The following ZNF101 variants were observed in gnomAD, a reference collection of about 807,000 sequenced individuals.
ZNF101 encodes zinc finger protein 101, also known as zinc finger protein 101 (Y2).
In ZNF101, 34 loss-of-function variants were observed where a neutral mutation model predicts 42.6. The observed-to-expected ratio is 0.80, with a 90% CI of 0.61 to 1.06. The LOEUF (loss-of-function observed/expected upper bound fraction) is 1.06, where lower values mean the gene tolerates loss of function less well. ZNF101 is among the 50% of genes least tolerant of loss of function. The pLI is 0.00. For synonymous variants in ZNF101, 158 were observed against 183.9 expected (o/e 0.86, Z 1.14); for missense variants, 466 against 530.9 (o/e 0.88, Z 1.20).
intron 1 of ZNF101, among the ~76,000 whole-genome samples, chr19:19,670,688 G>A (rs985530370): frequency 1.3e-5 from 2 of 152,070 alleles, no homozygotes; most frequent in Non-Finnish European, 1.5e-5. Flanking sequence ...ACCCGGGGAG[G>A]TTGAGACTGC....
chr19:19,677,772 G>A, intron 1 of ZNF101, 92 bp from the exon 2 acceptor site: 1 of 1,522,366 alleles, frequency 6.6e-7, no homozygotes, highest in Non-Finnish European at 8.9e-7. Flanking sequence ...AGTGTTTGGA[G>A]AGCCCGGCGT....
chr19:19,673,016 C>T (rs2062180270), intron 1 of ZNF101, among the ~76,000 whole-genome samples: 1 of 151,936 alleles, frequency 6.6e-6, no homozygotes, highest in Non-Finnish European at 1.5e-5. Context: ...ACGGTCTTGA[C>T]TCACTGCAAC....
intron 1 of ZNF101, among the ~76,000 whole-genome samples, chr19:19,675,204 C>G (rs1277172788): frequency 6.6e-6 from 1 of 152,010 alleles, no homozygotes; most frequent in Non-Finnish European, 1.5e-5. Context: ...ATGGCATGAT[C>G]TCGGCTCACT....
chr19:19,678,842 G>A, intron 3 of ZNF101, 56 bp downstream of exon 3: 2 of 1,487,836 alleles, frequency 1.3e-6, no homozygotes, highest in South Asian at 1.2e-5. Flanking sequence ...TAGTAGGTCA[G>A]GAAAATTTTT....
chr19:19,677,022 T>C (rs372043788), intron 1 of ZNF101: 7 of 152,328 alleles, frequency 4.6e-5, no homozygotes, highest in African/African-American at 1.7e-4. Context: ...ATGTTATCTT[T>C]CCACTTACTC....
At chr19:19,678,647 T>G (rs1599453587) in intron 2 of ZNF101, 79 bp from the exon 3 acceptor site, 7 of 1,221,550 alleles carry the variant, frequency 5.7e-6, no homozygotes, top group East Asian at 2.6e-5. Flanking sequence ...ATTGTGGCAG[T>G]GTTTAATGAA....
At chr19:19,674,899 C>T (rs1279549765) in intron 1 of ZNF101, among the ~76,000 whole-genome samples, 2 of 152,032 alleles carry the variant, frequency 1.3e-5, no homozygotes, top group Non-Finnish European at 2.9e-5. Context: ...CGGCTCACTG[C>T]AACCTCTGCC....
intron 3 of ZNF101, 59 bp from the exon 4 acceptor site, chr19:19,679,122 A>C (rs1009545052): frequency 8.9e-6 from 14 of 1,567,890 alleles, no homozygotes; most frequent in Non-Finnish European, 8.6e-6. Flanking sequence ...AAGACATGTC[A>C]ATTAGTAGAA....
intron 1 of ZNF101, among the ~76,000 whole-genome samples, chr19:19,670,130 A>G (rs2062159399): frequency 6.6e-6 from 1 of 152,106 alleles, no homozygotes; most frequent in African/African-American, 2.4e-5. Context: ...TGGCGTGGTT[A>G]ATCTTTCCTG....
chr19:19,669,637 G>A (rs2062156695), intron 1 of ZNF101, among the ~76,000 whole-genome samples: 1 of 152,092 alleles, frequency 6.6e-6, no homozygotes, highest in African/African-American at 2.4e-5. Context: ...GGAATTACAG[G>A]TGCCCGCCAC....
rs2145066249 is a variant in ZNF101 at position 19,682,515 on chromosome 19, C to T, written c.*2215C>T. 6.6e-6 allele frequency: 1 copy of T among 152,220 alleles called. No homozygotes were observed. Among genetic ancestry groups the T allele is most frequent in the Middle Eastern group, 3.4e-3 (1 of 296 alleles). The allele number at this position is 152,220 out of a possible 1,614,324, so 9.4% of individuals were successfully genotyped here. On this transcript the variant is annotated 3_prime_UTR_variant, in exon 4 of 4. Coordinates refer to ENST00000592502, the MANE Select transcript of ZNF101 (RefSeq NM_033204.4). The stretch of plus-strand genomic sequence containing the variant: ...AGATTATAGGCATGAGACACCTTGC[C>T]CGGCCCCTGTGACTCATTCTTAAAA...
Position 19,679,664 on chromosome 19 carries a change from T to C in ZNF101, c.675T>C (p.Tyr225=), listed in dbSNP as rs2062225908. The change falls in exon 4 of 4, where the codon TAT becomes TAC. Residue 225 remains tyrosine (Y), a synonymous_variant. Transcript: ENST00000592502. ...HGKMHTGEKR[Y]ECKYCGKPID... The stretch of plus-strand genomic sequence containing the variant: ...AAATGCATACTGGAGAAAAACGCTA[T>C]GAATGTAAATACTGTGGAAAACCTA... 1.2e-6 allele frequency: 2 copies of C among 1,613,866 alleles called. No homozygotes were observed. The highest frequency in any genetic ancestry group is 1.1e-5 in the South Asian group (1 of 91,024).
intron 1 of ZNF101, among the ~76,000 whole-genome samples, chr19:19,672,545 T>C (rs898189677): frequency 1.4e-5 from 2 of 147,448 alleles, no homozygotes; most frequent in African/African-American, 5.1e-5. Context: ...GCTTTTTTTT[T>C]GGCGGGGGGG....
At position 19,679,245 on chromosome 19, in the gene ZNF101, A is replaced by C; in HGVS notation, c.256A>C (p.Ile86Leu). The part of the protein sequence containing the change: ...GNEHRETFSQ[I>L]PDCHLNKKSQ... ...TGAACACAGAGAAACTTTCAGCCAG[A>C]TTCCTGATTGTCACCTGAACAAGAA... The change falls in exon 4 of 4, where the codon ATT (isoleucine) becomes CTT (leucine). Residue 86 changes from isoleucine to leucine, a missense_variant. Coordinates refer to ENST00000592502, the MANE Select transcript of ZNF101 (RefSeq NM_033204.4). 6.2e-7 allele frequency: 1 copy of C among 1,614,234 alleles called. No homozygotes were observed. Among genetic ancestry groups the C allele is most frequent in the Non-Finnish European group, 8.5e-7 (1 of 1,180,042 alleles).
chr19:19,679,210 A>G lies in ZNF101; in HGVS notation c.221A>G (p.Lys74Arg). 6.2e-7 allele frequency: 1 copy of G among 1,613,884 alleles called. No individual in the cohort carries two copies. The highest frequency in any genetic ancestry group is 8.5e-7 in the Non-Finnish European group (1 of 1,179,762). Residue 74 changes from lysine (K) to arginine (R), a missense_variant, in exon 4 of 4, where the codon AAA becomes AGA. Coordinates refer to ENST00000592502, the MANE Select transcript of ZNF101 (RefSeq NM_033204.4). ...RSLVERLCGRKEGNEHRETFS... is the reference protein window; with the variant it reads ...RSLVERLCGRREGNEHRETFS... Reference sequence around the variant, plus strand: ...CTGGTGGAGAGACTCTGTGGACGTAAAGAAGGGAATGAACACAGAGAAACT... The same window carrying G: ...CTGGTGGAGAGACTCTGTGGACGTAGAGAAGGGAATGAACACAGAGAAACT...
At chr19:19,669,007 G>A (rs2062152145) in intron 1 of ZNF101, 41 bp downstream of exon 1, 1 of 1,568,930 alleles carries the variant, frequency 6.4e-7, no homozygotes, top group Non-Finnish European at 8.6e-7. Context: ...CTGAGGAGGA[G>A]CTGGTCGGAA....
rs750185508 is a variant in ZNF101 at position 19,681,778 on chromosome 19, G to A, written c.*1478G>A. The A allele has an allele frequency of 2.6e-5, 4 of 151,980 alleles. No individual in the cohort carries two copies. Among genetic ancestry groups the A allele is most frequent in the Non-Finnish European group, 4.4e-5 (3 of 68,004 alleles). The allele number at this position is 151,980 out of a possible 1,614,324, so 9.4% of individuals were successfully genotyped here. On this transcript the variant is annotated 3_prime_UTR_variant, in exon 4 of 4. Coordinates refer to ENST00000592502, the MANE Select transcript of ZNF101 (RefSeq NM_033204.4). ...ATTAATCATGTGAGAACATCCACTC[G>A]AAAGAAATCCTATAAACGTAAGTAA...
In ZNF101 at chr19:19,677,938, G is replaced by A. The variant is rs377242228; in HGVS notation, c.78G>A (p.Lys26=). 8.7e-6 allele frequency: 14 copies of A among 1,612,574 alleles called. No homozygotes were observed. In the African/African-American group the frequency reaches 1.9e-4, roughly 22 times the overall value. ...GGGCTTTGCTGAGTCCTTCCCAGAA[G>A]AATCTCTACAGAGATGTGACGCTGG... ...EEWALLSPSQ[K]NLYRDVTLET... Residue 26 remains lysine (K), a synonymous_variant, in exon 2 of 4, where the codon AAG becomes AAA. Transcript: ENST00000592502.
chr19:19,673,344 G>C (rs776978600), intron 1 of ZNF101, among the ~76,000 whole-genome samples: 3 of 150,098 alleles, frequency 2.0e-5, no homozygotes, highest in Non-Finnish European at 3.0e-5. Context: ...CCACCTTCTG[G>C]GTTCAAGCAG....
Sources: gnomAD v4.1 joint callset for allele counts (sites outside exome capture counted in the v4.1 genomes callset) on GRCh38, gnomAD v4.1.1 for gene constraint, MANE v1.5 for transcripts, NCBI Gene and HGNC (gene_info 2026-07-23, HGNC 2026-07-21) for gene names.